FCHSD1: variants seen among roughly 807,000 people sequenced by gnomAD.
FCHSD1 encodes the protein FCH and double SH3 domains 1.
A neutral mutation model predicts 101.3 loss-of-function variants in FCHSD1; 109 were observed. The observed-to-expected ratio is 1.08, with a 90% CI of 0.92 to 1.26. The LOEUF is 1.26. Ranked by LOEUF, FCHSD1 falls within the 50% of genes most tolerant of loss-of-function variation. The pLI is 0.00. For missense variants in FCHSD1, 820 were observed against 895.8 expected (o/e 0.92, Z 1.08); for synonymous variants, 291 against 356.8 (o/e 0.82, Z 2.08).
In FCHSD1 at chr5:141,641,438, G is replaced by A; in HGVS notation, c.*60C>T. On this transcript the variant is annotated 3_prime_UTR_variant, in exon 20 of 20. Coordinates refer to ENST00000435817, the MANE Select transcript of FCHSD1 (RefSeq NM_033449.3). Reference sequence around the variant, plus strand: ...TGTTGCTCTGGATCATTGATGGTGTGGTCTGACAGCTTGAAGATAGGGACA... The same window carrying A: ...TGTTGCTCTGGATCATTGATGGTGTAGTCTGACAGCTTGAAGATAGGGACA... 2.9e-6 allele frequency: 4 copies of A among 1,372,022 alleles called. No homozygotes were observed. The Middle Eastern group carries it at 8.0e-4, about 274-fold the overall frequency. 85.0% of individuals were successfully genotyped at this position (1,372,022 alleles called of 1,614,324 possible).
Position 141,649,667 on chromosome 5 carries a change from T to C in FCHSD1, c.234-131A>G, listed in dbSNP as rs1178696391. 8.3e-6 allele frequency: 11 copies of C among 1,321,040 alleles called. No individual in the cohort carries two copies. The highest frequency in any genetic ancestry group is 1.0e-5 in the Non-Finnish European group (10 of 985,164). The allele number at this position is 1,321,040 out of a possible 1,614,324, so 81.8% of individuals were successfully genotyped here. A position where few individuals can be genotyped will look rare whatever the true frequency, so the allele number is the denominator to read the frequency against. On this transcript the variant is annotated intron_variant, in intron 4 of 19. Transcript: ENST00000435817. The surrounding 1 kb of genome is among the most constrained non-coding windows in gnomAD (Gnocchi z 4.1). Reference sequence around the variant, plus strand: ...CCATCCTCCCTTGTCTGGGAGCCCATCAATCGATCAGCCCATTAGCTCAGC... The same window carrying C: ...CCATCCTCCCTTGTCTGGGAGCCCACCAATCGATCAGCCCATTAGCTCAGC...
In FCHSD1 at chr5:141,651,042, C is replaced by A. The variant is rs1405484563; in HGVS notation, c.97G>T (p.Ala33Ser). ...TACCTGATGTCCTCCAGCAGATCCG[C>A]CTCCCTCTGCTGCCAGGTCTGAAGG... ...SILQTWQQRE[A>S]DLLEDIRSYS... The change falls in exon 2 of 20, where the codon GCG (alanine) becomes TCG (serine). Residue 33 changes from alanine to serine, a missense_variant. Transcript: ENST00000435817. 6.3e-7 allele frequency: 1 copy of A among 1,595,956 alleles called. No individual in the cohort carries two copies. Among genetic ancestry groups the A allele is most frequent in the Admixed American group, 1.7e-5 (1 of 57,488 alleles).
In FCHSD1 at chr5:141,640,433, G is replaced by C; in HGVS notation, c.*1065C>G. On this transcript the variant is annotated 3_prime_UTR_variant, in exon 20 of 20. Coordinates refer to ENST00000435817, the MANE Select transcript of FCHSD1 (RefSeq NM_033449.3). Reference sequence around the variant, plus strand: ...TCAGGTGTCTCTACCACAGGGAGCAGGGAGTATGTGAGGTGAGTCTGCCTG... The same window carrying C: ...TCAGGTGTCTCTACCACAGGGAGCACGGAGTATGTGAGGTGAGTCTGCCTG... 6.2e-7 allele frequency: 1 copy of C among 1,614,182 alleles called. No homozygotes were observed. Among genetic ancestry groups the C allele is most frequent in the Non-Finnish European group, 8.5e-7 (1 of 1,180,012 alleles).
rs1261782704 is a variant in FCHSD1, at chr5:141,640,807, C to A, written c.*691G>T. The A allele has an allele frequency of 9.7e-6, 8 of 823,526 alleles. No homozygotes were observed. In the East Asian group the frequency reaches 2.1e-4, roughly 22 times the overall value. The allele number at this position is 823,526 out of a possible 1,614,324, so 51.0% of individuals were successfully genotyped here. ...ACTTCCACCTGGAGTTGCACAGTCT[C>A]AGGCTGGGGGCCTCAGGAGAGGTCA... On this transcript the variant is annotated 3_prime_UTR_variant, in exon 20 of 20. Transcript: ENST00000435817.
chr5:141,646,032 G>A, intron 12 of FCHSD1, 55 bp downstream of exon 12: 2 of 1,559,762 alleles, frequency 1.3e-6, no homozygotes, highest in Non-Finnish European at 1.7e-6. Context: ...GAGGAGTAGA[G>A]GGAGTGGGGC....
intron 17 of FCHSD1, among the ~76,000 whole-genome samples, chr5:141,643,773 G>A (rs140209804): frequency 5.6e-4 from 85 of 152,024 alleles, no homozygotes; most frequent in East Asian, 5.0e-3. Flanking sequence ...GTTTGAACCC[G>A]GGAGGCAGAG....
At chr5:141,641,650 T>G in intron 19 of FCHSD1, 52 bp downstream of exon 19, 7 of 1,612,510 alleles carry the variant, frequency 4.3e-6, no homozygotes, top group Middle Eastern at 3.3e-4. Context: ...AAAACAGGAC[T>G]GGTTGGAATA....
chr5:141,650,018 T>C, intron 3 of FCHSD1, 64 bp from the exon 4 acceptor site: 1 of 1,464,162 alleles, frequency 6.8e-7, no homozygotes, highest in African/African-American at 1.4e-5. Context: ...TGGCAGAATA[T>C]GACATCAGAG....
chr5:141,645,911 C>G lies in FCHSD1; in HGVS notation c.1171G>C (p.Ala391Pro). 6.4e-7 allele frequency: 1 copy of G among 1,569,594 alleles called. No individual in the cohort carries two copies. The highest frequency in any genetic ancestry group is 1.7e-4 in the Middle Eastern group (1 of 5,776). ...RAQVSQVKGA[A>P]RLALLQGAGL... Reference sequence around the variant, plus strand: ...GCCCCCTGCAGCAGGGCCAGCCGGGCAGCCCCCTTCACCTGGCTCACCTGC... The same window carrying G: ...GCCCCCTGCAGCAGGGCCAGCCGGGGAGCCCCCTTCACCTGGCTCACCTGC... Residue 391 changes from alanine to proline, a missense_variant, in exon 13 of 20, where the codon GCC becomes CCC. Coordinates refer to ENST00000435817, the MANE Select transcript of FCHSD1 (RefSeq NM_033449.3).
In FCHSD1 at chr5:141,644,668, A is replaced by G. The variant is rs1399009124; in HGVS notation, c.1547T>C (p.Val516Ala). 6.2e-7 allele frequency: 1 copy of G among 1,613,762 alleles called. No homozygotes were observed. The highest frequency in any genetic ancestry group is 1.1e-5 in the South Asian group (1 of 91,066). Residue 516 changes from valine to alanine, a missense_variant, in exon 16 of 20, where the codon GTA becomes GCA. Coordinates refer to ENST00000435817, the MANE Select transcript of FCHSD1 (RefSeq NM_033449.3). The stretch of plus-strand genomic sequence containing the variant: ...GAGATATCGCTCAGGGACAAAGCCT[A>G]CCTCGCCGTGCTGGTTCCGAGCCTG... ...WVKARNQHGE[V>A]GFVPERYLNF...
intron 18 of FCHSD1, chr5:141,642,638 G>A: frequency 3.7e-6 from 2 of 542,460 alleles, no homozygotes; most frequent in Non-Finnish European, 6.4e-6. Flanking sequence ...GACACCGTGA[G>A]AGAAGTTAGC....
rs758082791 is a variant in FCHSD1 at position 141,639,429 on chromosome 5, A to G, written c.*2069T>C. Reference sequence around the variant, plus strand: ...AAACAAAACATGAAGGGAAATGGAAATGTTACCCTCACTCCCCTCCTCCCT... The same window carrying G: ...AAACAAAACATGAAGGGAAATGGAAGTGTTACCCTCACTCCCCTCCTCCCT... On this transcript the variant is annotated 3_prime_UTR_variant, in exon 20 of 20. Transcript: ENST00000435817. The surrounding 1 kb of genome is among the most constrained non-coding windows in gnomAD (Gnocchi z 4.4). 1 of 1,532,534 alleles carries G rather than the reference A, an allele frequency of 6.5e-7. No homozygotes were observed. Among genetic ancestry groups the G allele is most frequent in the South Asian group, 1.2e-5 (1 of 85,048 alleles). The allele number at this position is 1,532,534 out of a possible 1,614,324, so 94.9% of individuals were successfully genotyped here.
At chr5:141,650,515 G>A (rs967036124) in intron 2 of FCHSD1, 111 bp from the exon 3 acceptor site, 21 of 1,243,396 alleles carry the variant, frequency 1.7e-5, no homozygotes, top group Admixed American at 7.1e-5. Flanking sequence ...GGGGGAGCCA[G>A]GTTCCTAGAG....
rs1596465526 is a variant in FCHSD1, at chr5:141,647,803, C to CA, written c.705+164dup. ...AGAGTTTAAGTGTACTGTACAATGC[C>CA]ATGCAGCCAGCTAGGAGCAGAACCA... is the stretch of plus-strand genomic sequence containing the variant. On this transcript the variant is annotated intron_variant, in intron 8 of 19. Transcript: ENST00000435817. 25 of 1,117,514 alleles carry CA rather than the reference C, an allele frequency of 2.2e-5. No individual in the cohort carries two copies. In the East Asian group the frequency reaches 6.5e-4, roughly 29 times the overall value. The allele number at this position is 1,117,514 out of a possible 1,614,324, so 69.2% of individuals were successfully genotyped here.
At position 141,647,805 on chromosome 5, in the gene FCHSD1, TGCA is replaced by T; in HGVS notation, c.705+160_705+162del. The T allele has an allele frequency of 3.5e-6, 4 of 1,128,974 alleles. 1 individual carries two copies. In the South Asian group the frequency reaches 6.2e-5, roughly 18 times the overall value. 69.9% of individuals were successfully genotyped at this position (1,128,974 alleles called of 1,614,324 possible). ...AGTTTAAGTGTACTGTACAATGCCA[TGCA>T]GCCAGCTAGGAGCAGAACCAGAGTG... On this transcript the variant is annotated intron_variant, in intron 8 of 19. Coordinates refer to ENST00000435817, the MANE Select transcript of FCHSD1 (RefSeq NM_033449.3).
Position 141,641,723 on chromosome 5 carries a change from C to G in FCHSD1, c.1986G>C (p.Met662Ile). Residue 662 changes from methionine (M) to isoleucine (I), a missense_variant, in exon 19 of 20, where the codon ATG (methionine) becomes ATC (isoleucine). Coordinates refer to ENST00000435817, the MANE Select transcript of FCHSD1 (RefSeq NM_033449.3). ...TTACCGGCCTGAGTCGAGGTGCCAT[C>G]ATGTCCAGGAACCCAGGGAAGTCCA... is the stretch of plus-strand genomic sequence containing the variant. ...KALDFPGFLDMMAPRLRPMRP... is the reference protein window; with the variant it reads ...KALDFPGFLDIMAPRLRPMRP... 1 of 1,614,054 alleles carries G rather than the reference C, an allele frequency of 6.2e-7. No individual in the cohort carries two copies. The highest frequency in any genetic ancestry group is 8.5e-7 in the Non-Finnish European group (1 of 1,179,904).
Position 141,641,421 on chromosome 5 carries a change from T to C in FCHSD1, c.*77A>G, listed in dbSNP as rs2099906894. The C allele has an allele frequency of 6.9e-6, 9 of 1,307,194 alleles. No homozygotes were observed. Among genetic ancestry groups the C allele is most frequent in the Non-Finnish European group, 9.1e-6 (9 of 986,046 alleles). 81.0% of individuals were successfully genotyped at this position (1,307,194 alleles called of 1,614,324 possible). A position where few individuals can be genotyped will look rare whatever the true frequency, so the allele number is the denominator to read the frequency against. On this transcript the variant is annotated 3_prime_UTR_variant, in exon 20 of 20. Transcript: ENST00000435817. ...ATTCCAGCTTTTGGCTGTGTTGCTC[T>C]GGATCATTGATGGTGTGGTCTGACA...
At position 141,647,122 on chromosome 5, in the gene FCHSD1, A is replaced by AG; in HGVS notation, c.924+12dup. The AG allele has an allele frequency of 1.3e-6, 2 of 1,593,164 alleles. No homozygotes were observed. The highest frequency in any genetic ancestry group is 1.7e-6 in the Non-Finnish European group (2 of 1,169,048). ...TATATGTGGCCTGGTTCCAACAAGC[A>AG]GGAAGATCTCACCTGATCAGTCCCT... On this transcript the variant is annotated intron_variant, in intron 10 of 19. Coordinates refer to ENST00000435817, the MANE Select transcript of FCHSD1 (RefSeq NM_033449.3).
At position 141,644,360 on chromosome 5, in the gene FCHSD1, C is replaced by T. The variant is rs201835761; in HGVS notation, c.1721G>A (p.Arg574His). ...TCCATCTTGGGCCCGGGGCAGCAGA[C>T]GGATGAGTGCCCCCTCAGGGAAGCT... The part of the protein sequence containing the change: ...ELSFPEGALI[R>H]LLPRAQDGVD... Residue 574 changes from arginine (R) to histidine (H), a missense_variant, in exon 17 of 20, where the codon CGT (arginine) becomes CAT (histidine). Arg to His is a conservative substitution (Grantham distance 29). Coordinates refer to ENST00000435817, the MANE Select transcript of FCHSD1 (RefSeq NM_033449.3). 37 of 1,613,856 alleles carry T rather than the reference C, an allele frequency of 2.3e-5. No homozygotes were observed. In the South Asian group the frequency reaches 2.5e-4, roughly 11 times the overall value.
Sources: allele counts gnomAD v4.1 joint callset (sites outside exome capture counted in the v4.1 genomes callset), GRCh38; gene constraint gnomAD v4.1.1; non-coding constraint Gnocchi (gnomAD v3.1); transcripts MANE v1.5; gene names NCBI Gene and HGNC (gene_info 2026-07-23, HGNC 2026-07-21).